The following BBC3 variants were observed in gnomAD, a reference collection of about 807,000 sequenced individuals.
BBC3 encodes bcl-2-binding component 3.
BBC3 carries 5 observed loss-of-function variants against 18.2 expected under a neutral mutation model. The ratio of observed to expected loss-of-function variants is 0.27; its 90% CI spans 0.14 to 0.58. The LOEUF is 0.58. Among genes scored for constraint, BBC3 ranks in the 20% least tolerant of loss-of-function variants. BBC3 has a pLI of 0.91. For missense variants in BBC3, 224 were observed against 268.9 expected (o/e 0.83, Z 1.17); for synonymous variants, 119 against 128.0 (o/e 0.93, Z 0.47).
Position 47,231,015 on chromosome 19 carries a change from C to T in BBC3, c.-102G>A, listed in dbSNP as rs2058907775. ...GGCGCGCCCGCCGAGCGCCGCTCTC[C>T]GCGGCGGCTGCTGCTGTGGCTGTCG... On this transcript the variant is annotated 5_prime_UTR_variant, in exon 1 of 4. Transcript: ENST00000439096. The surrounding 1 kb of genome is among the most constrained non-coding windows in gnomAD (Gnocchi z 4.0). The T allele has an allele frequency of 2.0e-6, 2 of 986,080 alleles. No homozygotes were observed. Among genetic ancestry groups the T allele is most frequent in the South Asian group, 9.1e-5 (2 of 22,074 alleles). 61.1% of individuals were successfully genotyped at this position (986,080 alleles called of 1,614,324 possible).
In BBC3 at chr19:47,230,637, TC is replaced by T. The variant is rs1214295835; in HGVS notation, c.-16+291del. The T allele has an allele frequency of 1.2e-6, 1 of 813,068 alleles. No homozygotes were observed. Among genetic ancestry groups the T allele is most frequent in the Non-Finnish European group, 1.5e-6 (1 of 673,176 alleles). 50.4% of individuals were successfully genotyped at this position (813,068 alleles called of 1,614,324 possible). A position where few individuals can be genotyped will look rare whatever the true frequency, so the allele number is the denominator to read the frequency against. Reference sequence around the variant, plus strand: ...GGGGCACCCCTGGGGTCGACCCTCTTCCCCGGGGCCGCACTGGCCGCCAGGG... The same window carrying T: ...GGGGCACCCCTGGGGTCGACCCTCTTCCCGGGGCCGCACTGGCCGCCAGGG... On this transcript the variant is annotated intron_variant, in intron 1 of 3. Coordinates refer to ENST00000439096, the MANE Select transcript of BBC3 (RefSeq NM_014417.5). This position sits in a 1 kb window ranked among gnomAD's most constrained non-coding sequence, Gnocchi z 6.7.
chr19:47,227,324 C>G (rs112701711), intron 2 of BBC3: 3 of 135,980 alleles, frequency 2.2e-5, no homozygotes, highest in Admixed American at 7.2e-5. Context: ...CCCCCCCCCC[C>G]CCCACTTCTG....
At chr19:47,231,812 CTG>C (rs1030380408), upstream of BBC3, among the ~76,000 whole-genome samples, 7 of 152,298 alleles carry the variant, frequency 4.6e-5, no homozygotes, top group Admixed American at 2.6e-4. The surrounding 1 kb of genome is among the most constrained non-coding windows in gnomAD (Gnocchi z 4.0). Context: ...GGCCCACAAA[CTG>C]TGTTCACAAA....
In BBC3 at chr19:47,230,623, G is replaced by A; in HGVS notation, c.-16+306C>T. On this transcript the variant is annotated intron_variant, in intron 1 of 3. Coordinates refer to ENST00000439096, the MANE Select transcript of BBC3 (RefSeq NM_014417.5). This position sits in a 1 kb window ranked among gnomAD's most constrained non-coding sequence, Gnocchi z 6.7. The stretch of plus-strand genomic sequence containing the variant: ...GGACTTTGGGGGCTGGGGCACCCCT[G>A]GGGTCGACCCTCTTCCCCGGGGCCG... 1 of 694,468 alleles carries A rather than the reference G, an allele frequency of 1.4e-6. No homozygotes were observed. The highest frequency in any genetic ancestry group is 1.8e-6 in the Non-Finnish European group (1 of 564,642). 43.0% of individuals were successfully genotyped at this position (694,468 alleles called of 1,614,324 possible).
At chr19:47,223,403 C>T (rs1472865509) in intron 3 of BBC3, among the ~76,000 whole-genome samples, 1 of 151,976 alleles carries the variant, frequency 6.6e-6, no homozygotes, top group Non-Finnish European at 1.5e-5. Context: ...CCCGTCTCTA[C>T]TAAAACAACA....
Position 47,222,039 on chromosome 19 carries a change from C to T in BBC3, c.466-121G>A, listed in dbSNP as rs544654454. On this transcript the variant is annotated intron_variant, in intron 3 of 3. Coordinates refer to ENST00000439096, the MANE Select transcript of BBC3 (RefSeq NM_014417.5). ...CGCCCACCCTATTCCAGCTCCTCCC[C>T]CCGCCTGGGCTAATGTCCATGTCTC... The T allele has an allele frequency of 1.7e-4, 143 of 864,676 alleles. 1 individual carries two copies. The South Asian group carries it at 2.7e-3, about 17-fold the overall frequency. The allele number at this position is 864,676 out of a possible 1,614,324, so 53.6% of individuals were successfully genotyped here. A position where few individuals can be genotyped will look rare whatever the true frequency, so the allele number is the denominator to read the frequency against.
chr19:47,231,777 A>G (rs996682301), upstream of BBC3, among the ~76,000 whole-genome samples: 3 of 152,134 alleles, frequency 2.0e-5, no homozygotes, highest in Admixed American at 6.6e-5. The surrounding 1 kb of genome is among the most constrained non-coding windows in gnomAD (Gnocchi z 4.0). Flanking sequence ...AGTTGCAGAA[A>G]CACCCACACT....
intron 2 of BBC3, chr19:47,227,255 CTG>C (rs1024234304): frequency 6.0e-5 from 9 of 151,044 alleles, no homozygotes; most frequent in African/African-American, 1.7e-4. Context: ...AGGCCAGAGA[CTG>C]TGGCAGCTTC....
chr19:47,228,320 C>G lies in BBC3; in HGVS notation c.112G>C (p.Gly38Arg). 1.6e-6 allele frequency: 2 copies of G among 1,226,916 alleles called. No homozygotes were observed. The highest frequency in any genetic ancestry group is 4.1e-5 in the South Asian group (1 of 24,302). The allele number at this position is 1,226,916 out of a possible 1,614,324, so 76.0% of individuals were successfully genotyped here. The stretch of plus-strand genomic sequence containing the variant: ...GCAGCCAGGCCGGGCTCGCAGAGGC[C>G]GCAGGACACTGCCGAGGGCACCAGG... Reference protein sequence around the residue: ...GRLVPSAVSCGLCEPGLAAAP... With the variant: ...GRLVPSAVSCRLCEPGLAAAP... Residue 38 changes from glycine to arginine, a missense_variant, in exon 2 of 4, where the codon GGC (glycine) becomes CGC (arginine). Gly to Arg is a moderately radical substitution (Grantham distance 125). Coordinates refer to ENST00000439096, the MANE Select transcript of BBC3 (RefSeq NM_014417.5). The surrounding 1 kb of genome is among the most constrained non-coding windows in gnomAD (Gnocchi z 5.5).
At position 47,228,549 on chromosome 19, in the gene BBC3, G is replaced by A. The variant is rs1447717914; in HGVS notation, c.-15-103C>T. 9 of 1,093,748 alleles carry A rather than the reference G, an allele frequency of 8.2e-6. No homozygotes were observed. The highest frequency in any genetic ancestry group is 1.0e-5 in the Non-Finnish European group (9 of 864,872). 67.8% of individuals were successfully genotyped at this position (1,093,748 alleles called of 1,614,324 possible). A position where few individuals can be genotyped will look rare whatever the true frequency, so the allele number is the denominator to read the frequency against. ...GACCCAGATGGAGAAGAGTGGAGGT[G>A]TGTGTGCATGCGGAGGGGGTGACGG... On this transcript the variant is annotated intron_variant, in intron 1 of 3. Coordinates refer to ENST00000439096, the MANE Select transcript of BBC3 (RefSeq NM_014417.5). The surrounding 1 kb of genome is among the most constrained non-coding windows in gnomAD (Gnocchi z 5.5).
Position 47,227,670 on chromosome 19 carries a change from G to A in BBC3, c.274+488C>T, listed in dbSNP as rs150121891. Among the ~76,000 whole-genome samples the A allele has an allele frequency of 2.6e-4, 39 of 152,046 alleles. No homozygotes were observed. In the East Asian group the frequency reaches 4.7e-3, roughly 18 times the overall value. On this transcript the variant is annotated intron_variant, in intron 2 of 3. Coordinates refer to ENST00000439096, the MANE Select transcript of BBC3 (RefSeq NM_014417.5). ...CCAAGACTCCCCCACCTCCCCGAGG[G>A]GACTTCCCAACACAATGGCCCCTCC...
At chr19:47,224,481 G>A (rs888826780) in intron 3 of BBC3, among the ~76,000 whole-genome samples, 2 of 151,176 alleles carry the variant, frequency 1.3e-5, no homozygotes, top group Non-Finnish European at 2.9e-5. Context: ...ATAAAAATTA[G>A]CCAGGCATGG....
At position 47,228,722 on chromosome 19, in the gene BBC3, A is replaced by G. The variant is rs1428538821; in HGVS notation, c.-15-276T>C. Among the ~76,000 whole-genome samples the G allele has an allele frequency of 6.6e-6, 1 of 152,034 alleles. No individual in the cohort carries two copies. The highest frequency in any genetic ancestry group is 1.5e-5 in the Non-Finnish European group (1 of 67,988). ...CAAGGACAGGGCTCACACAGGACGGATGGAGGGGTCTAGCAGGTGTGTGTA... is the reference window on the plus strand; with the variant it reads ...CAAGGACAGGGCTCACACAGGACGGGTGGAGGGGTCTAGCAGGTGTGTGTA... On this transcript the variant is annotated intron_variant, in intron 1 of 3. Coordinates refer to ENST00000439096, the MANE Select transcript of BBC3 (RefSeq NM_014417.5). This position sits in a 1 kb window ranked among gnomAD's most constrained non-coding sequence, Gnocchi z 5.5.
intron 3 of BBC3, among the ~76,000 whole-genome samples, chr19:47,222,731 C>T (rs1394170784): frequency 4.0e-5 from 6 of 151,288 alleles, no homozygotes; most frequent in African/African-American, 9.7e-5. Flanking sequence ...TTTGGGAGGC[C>T]GAGGTAGGCG....
In BBC3 at chr19:47,221,738, G is replaced by T. The variant is rs548944939; in HGVS notation, c.*64C>A. ...GAGAAAGTCCCCCGCGCTGGCCAGG[G>T]TGTCAGGAGGTGGGAGGGGCCTGCC... On this transcript the variant is annotated 3_prime_UTR_variant, in exon 4 of 4. Transcript: ENST00000439096. 3.4e-5 allele frequency: 55 copies of T among 1,603,728 alleles called. No individual in the cohort carries two copies. Among genetic ancestry groups the T allele is most frequent in the Non-Finnish European group, 4.6e-5 (54 of 1,177,378 alleles).
In BBC3 at chr19:47,221,666, GC is replaced by G; in HGVS notation, c.*135del. On this transcript the variant is annotated 3_prime_UTR_variant, in exon 4 of 4. Transcript: ENST00000439096. ...GGGGCTGGAGTGGCTGCCCCGGCCC[GC>G]CCCCGGGACAGGCAGGGCTGGGAGT... The G allele has an allele frequency of 2.0e-6, 3 of 1,517,308 alleles. No individual in the cohort carries two copies. The highest frequency in any genetic ancestry group is 2.3e-5 in the Admixed American group (1 of 42,906). 94.0% of individuals were successfully genotyped at this position (1,517,308 alleles called of 1,614,324 possible).
upstream of BBC3, chr19:47,232,501 C>T: frequency 6.5e-7 from 1 of 1,545,734 alleles, no homozygotes; most frequent in South Asian, 1.2e-5. Context: ...GCATGCACAC[C>T]TGGCCACACT....
Position 47,221,448 on chromosome 19 carries a change from C to CCA in BBC3, c.*353_*354insTG. The CCA allele has an allele frequency of 3.0e-6, 1 of 331,016 alleles. No homozygotes were observed. The highest frequency in any genetic ancestry group is 5.4e-6 in the Non-Finnish European group (1 of 186,754). 20.5% of individuals were successfully genotyped at this position (331,016 alleles called of 1,614,324 possible). ...AGAGCCCCCCCCTCCCAGTGTCACC[C>CCA]CTGCAGCTGGAACGGGCACCAGCAC... On this transcript the variant is annotated 3_prime_UTR_variant, in exon 4 of 4. Coordinates refer to ENST00000439096, the MANE Select transcript of BBC3 (RefSeq NM_014417.5).
intron 3 of BBC3, among the ~76,000 whole-genome samples, chr19:47,223,413 A>G (rs970433458): frequency 3.3e-5 from 5 of 151,946 alleles, no homozygotes; most frequent in African/African-American, 1.2e-4. Context: ...CTAAAACAAC[A>G]AAAATTAGCT....
Sources: allele counts gnomAD v4.1 joint callset (sites outside exome capture counted in the v4.1 genomes callset), GRCh38; gene constraint gnomAD v4.1.1; non-coding constraint Gnocchi (gnomAD v3.1); transcripts MANE v1.5; gene names NCBI Gene and HGNC (gene_info 2026-07-23, HGNC 2026-07-21).